The following EYS variants were observed in gnomAD, a reference collection of about 807,000 sequenced individuals.
EYS encodes EGF-like photoreceptor maintenance factor.
A neutral mutation model predicts 282.1 loss-of-function variants in EYS; 250 were observed. The observed-to-expected ratio is 0.89, with a 90% confidence interval of 0.80 to 0.98. EYS has a LOEUF of 0.98. Among genes scored for constraint, EYS ranks in the 50% least tolerant of loss-of-function variants. The pLI, the probability that EYS is intolerant of heterozygous loss-of-function variation, is 0.00. For synonymous variants in EYS, 1,355 were observed against 1,282.9 expected (o/e 1.06, Z -1.20); for missense variants, 4,016 against 3,709.0 (o/e 1.08, Z -2.15).
At position 64,663,769 on chromosome 6, in the gene EYS, A is replaced by G. The variant is rs187620616; in HGVS notation, c.3444-37524T>C. Among the ~76,000 whole-genome samples the G allele has an allele frequency of 2.7e-3, 408 of 152,288 alleles. 2 individuals are homozygous for G. The highest frequency in any genetic ancestry group is 9.3e-3 in the African/African-American group (387 of 41,568). ...CGGGTCTTTGCTCCCAGAGCCCCCA[A>G]GATGGCAGCAAGCCTCTTGCACTCT... On this transcript the variant is annotated intron_variant, in intron 22 of 42. Transcript: ENST00000503581.
At chr6:65,334,898 A>C (rs1769924741) in intron 11 of EYS, 82 bp downstream of exon 11, 7 of 1,305,482 alleles carry the variant, frequency 5.4e-6, no homozygotes, top group Non-Finnish European at 7.6e-6. Flanking sequence ...AAACATTGTT[A>C]CCATGAAACA....
At chr6:63,753,692 C>G (rs2149650067) in intron 41 of EYS, among the ~76,000 whole-genome samples, 1 of 152,280 alleles carries the variant, frequency 6.6e-6, no homozygotes, top group African/African-American at 2.4e-5. Context: ...ATTACAATCC[C>G]TCCCTTGATA....
intron 21 of EYS, among the ~76,000 whole-genome samples, chr6:64,816,705 T>G (rs550603078): frequency 6.6e-6 from 1 of 152,208 alleles, no homozygotes; most frequent in South Asian, 2.1e-4. Flanking sequence ...AAAATATTTC[T>G]AATAAACACA....
At chr6:64,968,501 A>G (rs2150109840) in intron 14 of EYS, among the ~76,000 whole-genome samples, 2 of 152,316 alleles carry the variant, frequency 1.3e-5, no homozygotes, top group Middle Eastern at 6.8e-3. Flanking sequence ...ACTCAAAAAT[A>G]CTTTTCTCCA....
At chr6:65,333,380 A>G (rs1172558562) in intron 11 of EYS, among the ~76,000 whole-genome samples, 1 of 151,612 alleles carries the variant, frequency 6.6e-6, no homozygotes, top group East Asian at 1.9e-4. Flanking sequence ...ATCTCATTCA[A>G]TTTTGGTCAG....
At chr6:64,892,414 A>G (rs554090296) in intron 18 of EYS, among the ~76,000 whole-genome samples, 1 of 152,112 alleles carries the variant, frequency 6.6e-6, no homozygotes, top group South Asian at 2.1e-4. Context: ...TTCAGTAGAT[A>G]TTTTTTAAAA....
chr6:65,296,158 AC>A (rs1768659973), intron 11 of EYS, 39 bp from the exon 12 acceptor site: 3 of 1,494,218 alleles, frequency 2.0e-6, no homozygotes, highest in Middle Eastern at 1.7e-4. Context: ...TTAGTCATAT[AC>A]TTTATTTTGA....
At chr6:64,598,118 T>A (rs1766644876) in intron 24 of EYS, among the ~76,000 whole-genome samples, 1 of 151,862 alleles carries the variant, frequency 6.6e-6, no homozygotes, top group South Asian at 2.1e-4. Flanking sequence ...AAACACAGGG[T>A]CAACAGGATC....
At chr6:64,737,890 A>G (rs554286704) in intron 22 of EYS, among the ~76,000 whole-genome samples, 2 of 152,286 alleles carry the variant, frequency 1.3e-5, no homozygotes, top group Admixed American at 1.3e-4. Context: ...AAATAATGCA[A>G]TGATGTTCTA....
chr6:65,621,183 A>G (rs1766470934), intron 2 of EYS, among the ~76,000 whole-genome samples: 1 of 152,064 alleles, frequency 6.6e-6, no homozygotes, highest in African/African-American at 2.4e-5. Context: ...AATGTGTGGG[A>G]GTCTAAGTCT....
In EYS at chr6:64,955,481, A is replaced by G. The variant is rs73767198; in HGVS notation, c.2260-9567T>C. Among the ~76,000 whole-genome samples the G allele has an allele frequency of 2.2e-3, 332 of 152,280 alleles. 4 individuals are homozygous for G. Among genetic ancestry groups the G allele is most frequent in the African/African-American group, 7.4e-3 (308 of 41,566 alleles). On this transcript the variant is annotated intron_variant, in intron 14 of 42. Coordinates refer to ENST00000503581, the MANE Select transcript of EYS (RefSeq NM_001142800.2). Reference sequence around the variant, plus strand: ...AGAGAGGCAGTGCGCATGGAAACACACTGGCACCACCCTTGTGGTGTAGTT... The same window carrying G: ...AGAGAGGCAGTGCGCATGGAAACACGCTGGCACCACCCTTGTGGTGTAGTT...
chr6:65,179,783 T>C (rs918326036), intron 12 of EYS, among the ~76,000 whole-genome samples: 4 of 152,144 alleles, frequency 2.6e-5, no homozygotes, highest in African/African-American at 7.2e-5. Context: ...ATATCCTTGA[T>C]GAACATTGAT....
intron 35 of EYS, among the ~76,000 whole-genome samples, chr6:63,926,375 G>C (rs1764716275): frequency 6.6e-6 from 1 of 152,182 alleles, no homozygotes; most frequent in African/African-American, 2.4e-5. Context: ...GTTATTTTCT[G>C]TGTAGTTGTT....
At chr6:65,504,828 A>G (rs1261644021) in intron 2 of EYS, among the ~76,000 whole-genome samples, 1 of 151,548 alleles carries the variant, frequency 6.6e-6, no homozygotes, top group African/African-American at 2.4e-5. Flanking sequence ...TTTGTTGAGA[A>G]TGTTGTGTCT....
chr6:64,293,500 A>T (rs1286454449), intron 30 of EYS, among the ~76,000 whole-genome samples: 1 of 152,114 alleles, frequency 6.6e-6, no homozygotes, highest in Non-Finnish European at 1.5e-5. Flanking sequence ...TTCCTTCAGG[A>T]ATAGTAATTA....
intron 7 of EYS, among the ~76,000 whole-genome samples, chr6:65,387,759 T>A (rs1765856071): frequency 6.6e-6 from 1 of 152,006 alleles, no homozygotes; most frequent in East Asian, 1.9e-4. Flanking sequence ...GTTTGTAAAC[T>A]TGGAATCAAC....
chr6:64,598,275 A>G (rs1766650530), intron 24 of EYS, among the ~76,000 whole-genome samples: 1 of 152,196 alleles, frequency 6.6e-6, no homozygotes, highest in African/African-American at 2.4e-5. Context: ...CCTTGCTAAC[A>G]CGGTGAAACC....
intron 14 of EYS, among the ~76,000 whole-genome samples, chr6:64,947,864 T>C (rs1769343083): frequency 6.6e-6 from 1 of 151,782 alleles, no homozygotes; most frequent in Non-Finnish European, 1.5e-5. Flanking sequence ...ATTCGTTATG[T>C]TCTGAAATTT....
chr6:64,656,769 A>G (rs1768763816), intron 22 of EYS, among the ~76,000 whole-genome samples: 1 of 152,180 alleles, frequency 6.6e-6, no homozygotes, highest in Non-Finnish European at 1.5e-5. Flanking sequence ...GGGTTAATTC[A>G]CCAGAATTTC....
Sources: allele counts gnomAD v4.1 joint callset (sites outside exome capture counted in the v4.1 genomes callset), GRCh38; gene constraint gnomAD v4.1.1; transcripts MANE v1.5; gene names NCBI Gene and HGNC (gene_info 2026-07-23, HGNC 2026-07-21).